The following TEK variants were observed in gnomAD, a reference collection of about 807,000 sequenced individuals.
TEK encodes TEK receptor tyrosine kinase, also known as angiopoietin-1 receptor.
Under a neutral mutation model 131.8 loss-of-function variants are expected in TEK, and 43 were observed. That is an observed-to-expected ratio of 0.33 (90% CI 0.26 to 0.42). The LOEUF is 0.42. Ranked by LOEUF, TEK falls within the 10% of genes least tolerant of loss-of-function variation. The pLI, the probability that TEK is intolerant of heterozygous loss-of-function variation, is 1.00. For synonymous variants in TEK, 580 were observed against 491.6 expected (o/e 1.18, Z -2.38); for missense variants, 1,162 against 1,384.4 (o/e 0.84, Z 2.55).
chr9:27,217,789 T>TA, intron 19 of TEK, 31 bp downstream of exon 19: 1 of 1,559,320 alleles, frequency 6.4e-7, no homozygotes, highest in Non-Finnish European at 8.7e-7. Context: ...CAAGGGATTT[T>TA]TTTTCCCTCC....
At chr9:27,117,217 C>T (rs527910825) in intron 1 of TEK, among the ~76,000 whole-genome samples, 5 of 152,196 alleles carry the variant, frequency 3.3e-5, no homozygotes, top group East Asian at 3.9e-4. Flanking sequence ...TAACAGCCTC[C>T]GGGCCTGACA....
chr9:27,206,165 A>G (rs1825392172), intron 14 of TEK, among the ~76,000 whole-genome samples: 1 of 151,910 alleles, frequency 6.6e-6, no homozygotes, highest in Non-Finnish European at 1.5e-5. Context: ...AGATAATGCT[A>G]AGAAAGCTCT....
At chr9:27,171,474 G>A (rs750917499) in intron 4 of TEK, among the ~76,000 whole-genome samples, 6 of 152,160 alleles carry the variant, frequency 3.9e-5, no homozygotes, top group Non-Finnish European at 7.4e-5. Context: ...GAGTAGGCAC[G>A]TGTATAATTA....
chr9:27,218,695 G>A (rs1352342816), intron 19 of TEK, 82 bp from the exon 20 acceptor site: 3 of 1,407,686 alleles, frequency 2.1e-6, no homozygotes, highest in Non-Finnish European at 2.0e-6. Context: ...CAGAAAGGGT[G>A]GGTCTCCCTG....
intron 8 of TEK, 132 bp downstream of exon 8, chr9:27,183,742 G>T: frequency 2.4e-6 from 3 of 1,267,960 alleles, no homozygotes; most frequent in Non-Finnish European, 3.4e-6. Context: ...TTGATAAAAT[G>T]CCCTATTCCT....
intron 1 of TEK, among the ~76,000 whole-genome samples, chr9:27,147,466 C>T (rs1287954659): frequency 2.0e-5 from 3 of 151,968 alleles, no homozygotes; most frequent in Non-Finnish European, 4.4e-5. Context: ...GCTTTTTATG[C>T]ATTCTAGATG....
Position 27,173,313 on chromosome 9 carries a change from C to G in TEK, c.852C>G (p.Pro284=). The change falls in exon 6 of 23, where the codon CCC becomes CCG. Residue 284 remains proline, a synonymous_variant. Coordinates refer to ENST00000380036, the MANE Select transcript of TEK (RefSeq NM_000459.5). ...CKSYVFCLPD[P]YGCSCATGWK... ...CTTATGTGTTCTGTCTCCCTGACCC[C>G]TATGGGTGTTCCTGTGCCACAGGCT... 1.2e-6 allele frequency: 2 copies of G among 1,614,080 alleles called. No homozygotes were observed. The highest frequency in any genetic ancestry group is 1.7e-6 in the Non-Finnish European group (2 of 1,179,968).
At chr9:27,140,531 G>C (rs1017423804) in intron 1 of TEK, among the ~76,000 whole-genome samples, 5 of 151,578 alleles carry the variant, frequency 3.3e-5, no homozygotes, top group African/African-American at 1.2e-4. Flanking sequence ...GAGTCCTTTT[G>C]TCTATATACG....
chr9:27,172,068 A>T (rs1287267513), intron 4 of TEK, among the ~76,000 whole-genome samples: 1 of 152,200 alleles, frequency 6.6e-6, no homozygotes, highest in Non-Finnish European at 1.5e-5. Context: ...TGAACACAAC[A>T]CTTCTGACAC....
At chr9:27,202,110 C>G (rs1425838756) in intron 12 of TEK, among the ~76,000 whole-genome samples, 1 of 152,164 alleles carries the variant, frequency 6.6e-6, no homozygotes, top group African/African-American at 2.4e-5. Context: ...AGTGATGCTG[C>G]GGTGCCTGTC....
intron 1 of TEK, among the ~76,000 whole-genome samples, chr9:27,141,744 G>A (rs1238404729): frequency 6.6e-6 from 1 of 152,044 alleles, no homozygotes; most frequent in East Asian, 1.9e-4. Flanking sequence ...TTAAATCTGA[G>A]GTCCGGACTT....
intron 8 of TEK, among the ~76,000 whole-genome samples, chr9:27,185,190 T>G (rs1003510630): frequency 3.9e-5 from 6 of 152,156 alleles, no homozygotes; most frequent in African/African-American, 9.7e-5. Context: ...ACAAATCTTA[T>G]GAGGAGGAGT....
chr9:27,196,762 CTTT>C (rs367911024), intron 11 of TEK, among the ~76,000 whole-genome samples: 96 of 99,282 alleles, frequency 9.7e-4, no homozygotes, highest in African/African-American at 3.6e-3. Context: ...GTGCTATACA[CTTT>C]TTTTTTTTTT....
intron 21 of TEK, among the ~76,000 whole-genome samples, chr9:27,223,777 T>G (rs145551490): frequency 1.3e-5 from 2 of 152,028 alleles, no homozygotes; most frequent in African/African-American, 4.8e-5. Context: ...CAGAGCAGCA[T>G]TGAAGGAGAC....
chr9:27,216,507 C>CT (rs1156284440), intron 18 of TEK, among the ~76,000 whole-genome samples: 4 of 152,004 alleles, frequency 2.6e-5, no homozygotes, highest in African/African-American at 9.7e-5. Context: ...AGAATAACAG[C>CT]TGGGAGATGG....
At chr9:27,144,056 G>C (rs1044119007) in intron 1 of TEK, among the ~76,000 whole-genome samples, 3 of 152,192 alleles carry the variant, frequency 2.0e-5, no homozygotes, top group Non-Finnish European at 2.9e-5. Flanking sequence ...GGCTGAGGTG[G>C]GCAGAACACG....
At chr9:27,213,173 G>A (rs1188740873) in intron 17 of TEK, among the ~76,000 whole-genome samples, 1 of 152,074 alleles carries the variant, frequency 6.6e-6, no homozygotes, top group East Asian at 1.9e-4. Flanking sequence ...ACGTAGCGAG[G>A]TACCTTAAGC....
intron 11 of TEK, 75 bp from the exon 12 acceptor site, chr9:27,197,240 G>C: frequency 6.6e-7 from 1 of 1,512,958 alleles, no homozygotes. Context: ...ATTTCAGTAT[G>C]AGATTTGGGT....
At chr9:27,115,213 TA>T (rs1821504947) in intron 1 of TEK, among the ~76,000 whole-genome samples, 1 of 152,120 alleles carries the variant, frequency 6.6e-6, no homozygotes, top group Non-Finnish European at 1.5e-5. Context: ...GAATTGAGCA[TA>T]AAGGTCTGGT....
Sources: allele counts gnomAD v4.1 joint callset (sites outside exome capture counted in the v4.1 genomes callset), GRCh38; gene constraint gnomAD v4.1.1; transcripts MANE v1.5; gene names NCBI Gene and HGNC (gene_info 2026-07-23, HGNC 2026-07-21).